Variants in FHIT observed in about 807,000 individuals in gnomAD.
FHIT encodes the protein fragile histidine triad diadenosine triphosphatase.
Under a neutral mutation model 17.9 loss-of-function variants are expected in FHIT, and 19 were observed. The ratio of observed to expected loss-of-function variants is 1.06; its 90% CI spans 0.74 to 1.56. The LOEUF is 1.56. Among genes scored for constraint, FHIT ranks in the 40% most tolerant of loss-of-function variants. The pLI is 0.00. For synonymous variants in FHIT, 81 were observed against 69.7 expected (o/e 1.16, Z -0.81); for missense variants, 248 against 189.2 (o/e 1.31, Z -1.82).
chr3:59,963,921 G>A (rs1407115590), intron 7 of FHIT, among the ~76,000 whole-genome samples: 2 of 152,150 alleles, frequency 1.3e-5, no homozygotes, highest in African/African-American at 4.8e-5. Flanking sequence ...TCACTAAAAC[G>A]TCACATTTTT....
intron 5 of FHIT, among the ~76,000 whole-genome samples, chr3:60,082,271 A>G (rs185051290): frequency 2.6e-5 from 4 of 151,968 alleles, no homozygotes; most frequent in African/African-American, 4.8e-5. Flanking sequence ...AATGACCTGC[A>G]GCTGCATTCA....
At chr3:61,014,807 A>AAAAAAATATATAT (rs1553798839) in intron 3 of FHIT, among the ~76,000 whole-genome samples, 4 of 49,114 alleles carry the variant, frequency 8.1e-5, no homozygotes, top group African/African-American at 2.2e-4. Flanking sequence ...AAAAAAAAAA[A>AAAAAAATATATAT]ATATATATAT....
chr3:60,718,574 C>T (rs782282146), intron 4 of FHIT, among the ~76,000 whole-genome samples: 3 of 152,122 alleles, frequency 2.0e-5, no homozygotes, highest in South Asian at 2.1e-4. Context: ...CTTCTAGATG[C>T]GAAAATGCCA....
Position 61,179,487 on chromosome 3 carries a change from T to C in FHIT, c.-164+21130A>G, listed in dbSNP as rs574374128. Among the ~76,000 whole-genome samples, 5 of 151,998 alleles carry C rather than the reference T, an allele frequency of 3.3e-5. No individual in the cohort carries two copies. The East Asian group carries it at 5.8e-4, about 18-fold the overall frequency. ...CACTTTGGTGGCTAAGGTGAGAGGA[T>C]TGCTCGAGGGCAGGGGTTCAAGACC... On this transcript the variant is annotated intron_variant, in intron 2 of 9. Coordinates refer to ENST00000492590, the MANE Select transcript of FHIT (RefSeq NM_002012.4).
At chr3:60,128,302 G>C (rs1241977823) in intron 5 of FHIT, among the ~76,000 whole-genome samples, 1 of 152,076 alleles carries the variant, frequency 6.6e-6, no homozygotes, top group Non-Finnish European at 1.5e-5. Context: ...TGCTATTCTT[G>C]TGATAGTAAG....
intron 3 of FHIT, among the ~76,000 whole-genome samples, chr3:60,925,778 G>C (rs536768038): frequency 2.6e-5 from 4 of 152,152 alleles, no homozygotes; most frequent in African/African-American, 9.7e-5. Context: ...ATTGGATAAA[G>C]AGTCAAGACC....
intron 5 of FHIT, among the ~76,000 whole-genome samples, chr3:60,531,479 C>A (rs1036283542): frequency 7.2e-5 from 11 of 151,834 alleles, no homozygotes; most frequent in Admixed American, 4.6e-4. Context: ...GGGGTTTCAC[C>A]GTGTTAGCCA....
At chr3:60,789,173 T>TAG (rs1443026766) in intron 4 of FHIT, among the ~76,000 whole-genome samples, 1,157 of 98,676 alleles carry the variant, frequency 0.012, 3 homozygotes, top group African/African-American at 0.019. Flanking sequence ...TATATATATA[T>TAG]ATAGAGAGAG....
intron 4 of FHIT, among the ~76,000 whole-genome samples, chr3:60,701,048 T>C (rs976073291): frequency 6.6e-6 from 1 of 152,132 alleles, no homozygotes; most frequent in African/African-American, 2.4e-5. Context: ...CATTTACAAC[T>C]TACTGATGAA....
chr3:61,125,163 G>A (rs569093466), intron 2 of FHIT, among the ~76,000 whole-genome samples: 2 of 152,222 alleles, frequency 1.3e-5, no homozygotes, highest in African/African-American at 2.4e-5. Flanking sequence ...TTACACGCAG[G>A]AACAAGAAAT....
intron 5 of FHIT, among the ~76,000 whole-genome samples, chr3:60,515,668 ATAACAATAGAAACT>A (rs1559505591): frequency 1.3e-5 from 2 of 152,110 alleles, no homozygotes; most frequent in African/African-American, 2.4e-5. Context: ...TATAATTCTC[ATAACAATAGAAACT>A]TAACAATAAT....
At chr3:59,922,220 T>C (rs1358100942) in intron 8 of FHIT, 126 bp downstream of exon 8, 2 of 862,460 alleles carry the variant, frequency 2.3e-6, no homozygotes, top group East Asian at 5.0e-5. Context: ...ATTGCCACTT[T>C]CCAAGTCTGG....
chr3:60,334,077 T>C (rs1710119272), intron 5 of FHIT, among the ~76,000 whole-genome samples: 1 of 152,238 alleles, frequency 6.6e-6, no homozygotes, highest in Admixed American at 6.5e-5. Context: ...GCCTTCTTCC[T>C]TGGCAATACT....
intron 5 of FHIT, among the ~76,000 whole-genome samples, chr3:60,019,364 T>C (rs1209819367): frequency 6.6e-6 from 1 of 151,388 alleles, no homozygotes; most frequent in African/African-American, 2.4e-5. Context: ...CAAGGTATCT[T>C]GGCTGTCCTA....
chr3:60,135,285 A>G (rs1699769274), intron 5 of FHIT, among the ~76,000 whole-genome samples: 1 of 152,158 alleles, frequency 6.6e-6, no homozygotes, highest in Admixed American at 6.5e-5. Context: ...AAATGCCTTC[A>G]GGGACCAGGC....
intron 1 of FHIT, among the ~76,000 whole-genome samples, chr3:61,203,455 T>C (rs566843116): frequency 6.6e-6 from 1 of 151,636 alleles, no homozygotes; most frequent in Admixed American, 6.6e-5. Context: ...AATTGTTTAG[T>C]GCTCACAGTA....
chr3:61,032,547 A>G (rs913532242), intron 3 of FHIT, among the ~76,000 whole-genome samples: 3 of 152,220 alleles, frequency 2.0e-5, no homozygotes, highest in Non-Finnish European at 4.4e-5. Flanking sequence ...CTGGCACAGC[A>G]AAACCAGAAG....
chr3:60,318,373 A>G (rs1345537622), intron 5 of FHIT, among the ~76,000 whole-genome samples: 2 of 152,212 alleles, frequency 1.3e-5, no homozygotes, highest in East Asian at 3.8e-4. Context: ...TGAAATAGAA[A>G]TCAACCAAAT....
chr3:60,645,658 T>C lies in FHIT; in HGVS notation c.-17-108679A>G, dbSNP rs145241563. Among the ~76,000 whole-genome samples the C allele has an allele frequency of 5.2e-3, 793 of 152,286 alleles. 2 individuals carry two copies. The highest frequency in any genetic ancestry group is 0.017 in the Middle Eastern group (5 of 294). On this transcript the variant is annotated intron_variant, in intron 4 of 9. Transcript: ENST00000492590. Reference sequence around the variant, plus strand: ...CAGCTGTCTTTTGGTCGCTGTATTATGGGTGGCTCTGTGAAACTGAGACAA... The same window carrying C: ...CAGCTGTCTTTTGGTCGCTGTATTACGGGTGGCTCTGTGAAACTGAGACAA...
Sources: gnomAD v4.1 joint callset for allele counts (sites outside exome capture counted in the v4.1 genomes callset) on GRCh38, gnomAD v4.1.1 for gene constraint, MANE v1.5 for transcripts, NCBI Gene and HGNC (gene_info 2026-07-23, HGNC 2026-07-21) for gene names.